AKAP19: variants seen among roughly 807,000 people sequenced by gnomAD.
AKAP19 encodes the protein small A-kinase anchoring protein.
the AKAP19 span, among the ~76,000 whole-genome samples, chr2:189,924,953 G>A: frequency 4.6e-5 from 7 of 152,166 alleles, no homozygotes; most frequent in Admixed American, 3.3e-4. Flanking sequence ...TGTTAACCAT[G>A]AGCTCAATGT....
the AKAP19 span, among the ~76,000 whole-genome samples, chr2:189,993,343 C>T: frequency 6.6e-6 from 1 of 152,136 alleles, no homozygotes; most frequent in Non-Finnish European, 1.5e-5. Flanking sequence ...TAAACTATCC[C>T]TCCATCCCTG....
At chr2:189,986,203 C>G in the AKAP19 span, among the ~76,000 whole-genome samples, 3 of 152,148 alleles carry the variant, frequency 2.0e-5, no homozygotes, top group African/African-American at 7.2e-5. Context: ...TAGGTGTGGC[C>G]ATATCTAAAG....
At chr2:189,989,452 A>G in the AKAP19 span, among the ~76,000 whole-genome samples, 1 of 152,120 alleles carries the variant, frequency 6.6e-6, no homozygotes, top group Non-Finnish European at 1.5e-5. Context: ...AAAAAAAGAA[A>G]TGAAAAAATA....
At chr2:190,193,084 A>G in the AKAP19 span, among the ~76,000 whole-genome samples, 1 of 152,132 alleles carries the variant, frequency 6.6e-6, no homozygotes, top group Non-Finnish European at 1.5e-5. Context: ...TGCTCCTGTC[A>G]TAGGGAAAAA....
chr2:189,912,214 T>C, the AKAP19 span, among the ~76,000 whole-genome samples: 874 of 152,262 alleles, frequency 5.7e-3, 6 homozygotes, highest in Non-Finnish European at 9.0e-3. Context: ...TTCTAACTTA[T>C]GCTGTTATAA....
chr2:190,002,111 T>A, the AKAP19 span, among the ~76,000 whole-genome samples: 1 of 152,108 alleles, frequency 6.6e-6, no homozygotes, highest in Admixed American at 6.6e-5. Context: ...ATGGTGGGAG[T>A]AGCCTTAGGC....
the AKAP19 span, among the ~76,000 whole-genome samples, chr2:189,897,737 AAATT>A: frequency 6.6e-6 from 1 of 152,202 alleles, no homozygotes; most frequent in African/African-American, 2.4e-5. Context: ...TTCTTGGGGC[AAATT>A]AATTAAATTA....
At chr2:190,192,996 A>G in the AKAP19 span, among the ~76,000 whole-genome samples, 1 of 151,970 alleles carries the variant, frequency 6.6e-6, no homozygotes, top group African/African-American at 2.4e-5. Flanking sequence ...TATGCTTTGT[A>G]TGTCTTCCCT....
At chr2:189,994,167 C>G in the AKAP19 span, among the ~76,000 whole-genome samples, 1 of 151,808 alleles carries the variant, frequency 6.6e-6, no homozygotes, top group Non-Finnish European at 1.5e-5. Flanking sequence ...CCTGCCACCA[C>G]GCCTGGCTAA....
At chr2:189,944,275 C>T in the AKAP19 span, among the ~76,000 whole-genome samples, 2 of 152,106 alleles carry the variant, frequency 1.3e-5, no homozygotes, top group Non-Finnish European at 2.9e-5. Context: ...ATAGTGAGCT[C>T]TCATGAGATC....
At chr2:190,195,940 G>GC in the AKAP19 span, among the ~76,000 whole-genome samples, 2 of 34,388 alleles carry the variant, frequency 5.8e-5, no homozygotes, top group East Asian at 6.6e-4. Context: ...ACTGTGTCCA[G>GC]CTTTTTTTTT....
the AKAP19 span, among the ~76,000 whole-genome samples, chr2:189,970,842 G>T: frequency 1.3e-5 from 2 of 152,138 alleles, no homozygotes; most frequent in Non-Finnish European, 2.9e-5. Context: ...CTAATACTTA[G>T]TATCGTCAGA....
the AKAP19 span, among the ~76,000 whole-genome samples, chr2:190,068,107 T>C: frequency 1.3e-5 from 2 of 152,074 alleles, no homozygotes; most frequent in South Asian, 4.1e-4. Flanking sequence ...AAAAACAAAC[T>C]AGACTCAAAG....
the AKAP19 span, among the ~76,000 whole-genome samples, chr2:190,114,426 T>C: frequency 6.6e-6 from 1 of 151,212 alleles, no homozygotes; most frequent in Non-Finnish European, 1.5e-5. Flanking sequence ...AATTATAGTT[T>C]AGCTAGAAAA....
chr2:190,038,944 T>TTCTTCC, the AKAP19 span, among the ~76,000 whole-genome samples: 6 of 145,162 alleles, frequency 4.1e-5, no homozygotes, highest in African/African-American at 1.6e-4. Context: ...CTTCTTCTTC[T>TTCTTCC]TCTTCTTCTT....
the AKAP19 span, among the ~76,000 whole-genome samples, chr2:189,955,542 C>T: frequency 6.6e-6 from 1 of 152,160 alleles, no homozygotes; most frequent in Non-Finnish European, 1.5e-5. Flanking sequence ...AATCTCCATA[C>T]TGTTTTCCAT....
At chr2:190,157,367 T>TACACACAC in the AKAP19 span, among the ~76,000 whole-genome samples, 1 of 150,204 alleles carries the variant, frequency 6.7e-6, no homozygotes, top group African/African-American at 2.5e-5. Flanking sequence ...TAAACTTGTA[T>TACACACAC]ACACACACAC....
the AKAP19 span, among the ~76,000 whole-genome samples, chr2:190,034,562 T>TAAAAA: frequency 1.4e-5 from 1 of 73,678 alleles, no homozygotes; most frequent in Admixed American, 1.5e-4. Flanking sequence ...AAAAAAAAAT[T>TAAAAA]GGCCAGGCAC....
chr2:190,062,380 T>A, the AKAP19 span: 1 of 1,613,326 alleles, frequency 6.2e-7, no homozygotes, highest in Non-Finnish European at 8.5e-7. Context: ...ACATCTTTGC[T>A]GATGTTAGGA....
Sources: gnomAD v4.1 joint callset for allele counts (sites outside exome capture counted in the v4.1 genomes callset) on GRCh38, gnomAD v4.1.1 for gene constraint, MANE v1.5 for transcripts, NCBI Gene and HGNC (gene_info 2026-07-23, HGNC 2026-07-21) for gene names.